Variants in FLVCR2 observed in about 807,000 individuals in gnomAD.
The protein encoded by FLVCR2 is FLVCR choline and putative heme transporter 2, also known as choline/ethanolamine transporter FLVCR2.
In FLVCR2, 38 loss-of-function variants were observed where a neutral mutation model predicts 48.9. That is an observed-to-expected ratio of 0.78 (90% confidence interval 0.60 to 1.02). The LOEUF (loss-of-function observed/expected upper bound fraction) is 1.02, where lower values mean the gene tolerates loss of function less well. FLVCR2 is among the 50% of genes least tolerant of loss of function. FLVCR2 has a pLI of 0.00. For synonymous variants in FLVCR2, 255 were observed against 257.0 expected, an observed-to-expected ratio of 0.99 and a Z score of 0.07; for missense variants, 664 against 663.3, an observed-to-expected ratio of 1.00 and a Z score of -0.01.
chr14:75,583,645 G>A (rs1200740168), intron 1 of FLVCR2, among the ~76,000 whole-genome samples: 1 of 152,074 alleles, frequency 6.6e-6, no homozygotes, highest in African/African-American at 2.4e-5. Context: ...AAAATGCCTC[G>A]GACCTAATAA....
At chr14:75,630,713 G>A (rs990990091) in intron 3 of FLVCR2, among the ~76,000 whole-genome samples, 2 of 152,168 alleles carry the variant, frequency 1.3e-5, no homozygotes, top group Admixed American at 1.3e-4. Flanking sequence ...GAAAAAAATT[G>A]TTTTTGACAA....
At chr14:75,597,289 A>AT (rs1308226699) in intron 1 of FLVCR2, among the ~76,000 whole-genome samples, 1 of 140,732 alleles carries the variant, frequency 7.1e-6, no homozygotes, top group Non-Finnish European at 1.5e-5. Context: ...CAAAAAAAAA[A>AT]AAAAGAAGAA....
intron 3 of FLVCR2, among the ~76,000 whole-genome samples, chr14:75,628,147 C>T (rs1341771641): frequency 1.3e-5 from 2 of 152,084 alleles, no homozygotes; most frequent in Non-Finnish European, 2.9e-5. Flanking sequence ...CAGAGTCTTA[C>T]TCTGTCGCCC....
intron 2 of FLVCR2, among the ~76,000 whole-genome samples, 178 bp from the exon 3 acceptor site, chr14:75,624,434 C>T (rs1436313867): frequency 3.3e-5 from 5 of 152,028 alleles, no homozygotes; most frequent in African/African-American, 7.2e-5. Flanking sequence ...CACTCAGCCT[C>T]AAACAATGAG....
At position 75,579,616 on chromosome 14, in the gene FLVCR2, G is replaced by A; in HGVS notation, c.644G>A (p.Cys215Tyr). Reference protein sequence around the residue: ...WFGANEVSTACSVAVFGNQLG... With the variant: ...WFGANEVSTAYSVAVFGNQLG... ...GGGGCTAATGAGGTTTCAACAGCCT[G>A]CTCCGTGGCTGTCTTTGGCAATCAG... Residue 215 changes from cysteine to tyrosine, a missense_variant, in exon 1 of 10, where the codon TGC (cysteine) becomes TAC (tyrosine). Cys to Tyr is a radical substitution (Grantham distance 194). Transcript: ENST00000238667. The A allele has an allele frequency of 2.5e-6, 4 of 1,614,106 alleles. No homozygotes were observed. Among genetic ancestry groups the A allele is most frequent in the Non-Finnish European group, 1.7e-6 (2 of 1,180,030 alleles).
At chr14:75,596,993 G>A (rs1290401336) in intron 1 of FLVCR2, among the ~76,000 whole-genome samples, 2 of 152,082 alleles carry the variant, frequency 1.3e-5, no homozygotes, top group African/African-American at 4.8e-5. Flanking sequence ...TAAATTGCCA[G>A]TTTGAACATC....
chr14:75,633,583 A>T (rs752168189), intron 3 of FLVCR2, 46 bp from the exon 4 acceptor site: 1 of 1,503,192 alleles, frequency 6.7e-7, no homozygotes, highest in Non-Finnish European at 9.3e-7. Context: ...CAATGGCCCC[A>T]GAAGAAAGCT....
intron 1 of FLVCR2, chr14:75,606,021 C>CT (rs1010787741): frequency 4.9e-6 from 1 of 202,628 alleles, no homozygotes; most frequent in African/African-American, 2.3e-5. Flanking sequence ...CATTCGTGGG[C>CT]TTTTGTTTCG....
rs1888777065 is a variant in FLVCR2, at chr14:75,587,391, A to G, written c.669+7750A>G. On this transcript the variant is annotated intron_variant, in intron 1 of 9. Transcript: ENST00000238667. ...CCCCGTCTCCAGGGTTATTGGTGAT[A>G]GTTTCCAGCAGTTTTGTTTAGAGTT... is the stretch of plus-strand genomic sequence containing the variant. 2.0e-5 allele frequency among the ~76,000 whole-genome samples: 3 copies of G among 152,060 alleles called. No individual in the cohort carries two copies. The South Asian group carries it at 6.2e-4, about 32-fold the overall frequency.
chr14:75,621,957 G>A (rs755406042), intron 1 of FLVCR2, 122 bp from the exon 2 acceptor site: 8 of 1,030,578 alleles, frequency 7.8e-6, no homozygotes, highest in Non-Finnish European at 1.2e-5. Flanking sequence ...AATAATCCCT[G>A]CATGGGTGTT....
chr14:75,618,169 T>C (rs1348333605), intron 1 of FLVCR2, among the ~76,000 whole-genome samples: 1 of 152,210 alleles, frequency 6.6e-6, no homozygotes, highest in East Asian at 1.9e-4. Flanking sequence ...GATGGCTGGC[T>C]ATCATGGAAA....
chr14:75,640,741 G>A, intron 6 of FLVCR2: 1 of 601,360 alleles, frequency 1.7e-6, no homozygotes, highest in South Asian at 1.9e-5. Context: ...GGCCTGCTGA[G>A]CACAAGGTCT....
intron 5 of FLVCR2, among the ~76,000 whole-genome samples, chr14:75,636,755 C>G (rs1015678862): frequency 6.6e-6 from 1 of 152,198 alleles, no homozygotes; most frequent in African/African-American, 2.4e-5. Flanking sequence ...AGCCAGTCCT[C>G]GTCACTCTAA....
At chr14:75,620,085 C>A (rs925992943) in intron 1 of FLVCR2, among the ~76,000 whole-genome samples, 7 of 152,186 alleles carry the variant, frequency 4.6e-5, no homozygotes, top group African/African-American at 1.7e-4. Context: ...AACTTCCAGA[C>A]CTCCAACTCC....
chr14:75,580,458 T>C (rs1391236906), intron 1 of FLVCR2, among the ~76,000 whole-genome samples: 6 of 152,242 alleles, frequency 3.9e-5, no homozygotes, highest in Admixed American at 3.9e-4. Context: ...TCCAAGCACG[T>C]ACAGTCCTGG....
chr14:75,589,681 C>T (rs1017931515), intron 1 of FLVCR2, among the ~76,000 whole-genome samples: 2 of 152,350 alleles, frequency 1.3e-5, no homozygotes, highest in South Asian at 4.1e-4. Context: ...CTGCCTGAGC[C>T]CCCAAGCTGT....
chr14:75,622,463 C>A (rs1156541519), intron 2 of FLVCR2, among the ~76,000 whole-genome samples: 1 of 152,160 alleles, frequency 6.6e-6, no homozygotes, highest in East Asian at 1.9e-4. Flanking sequence ...ACCAGTTCCC[C>A]AGTCCTACCT....
In FLVCR2 at chr14:75,634,926, C is replaced by T. The variant is rs1890128199; in HGVS notation, c.1037C>T (p.Ala346Val). ...IWHYPGEEVNAGRIGLTIVIA... is the reference protein window; with the variant it reads ...IWHYPGEEVNVGRIGLTIVIA... Reference sequence around the variant, plus strand: ...TTTCCCCAGGGGGAAGAAGTGAATGCTGGAAGAATTGGCCTGACGATCGTC... The same window carrying T: ...TTTCCCCAGGGGGAAGAAGTGAATGTTGGAAGAATTGGCCTGACGATCGTC... The change falls in exon 5 of 10, where the codon GCT becomes GTT. Residue 346 changes from alanine to valine, a missense_variant. Physicochemically the swap from Ala to Val is moderately conservative, Grantham distance 64. Transcript: ENST00000238667. 1 of 1,613,514 alleles carries T rather than the reference C, an allele frequency of 6.2e-7. No homozygotes were observed. The highest frequency in any genetic ancestry group is 2.2e-5 in the East Asian group (1 of 44,878).
rs199824003 is a variant in FLVCR2, at chr14:75,624,708, G to A, written c.908G>A (p.Arg303Gln). ...PDASYLGSIA[R>Q]LFKNLNFVLL... ...GCCTCATACTTAGGTTCCATCGCCC[G>A]GCTCTTCAAAAATCTCAACTTTGTG... The change falls in exon 3 of 10, where the codon CGG becomes CAG. Residue 303 changes from arginine to glutamine, a missense_variant. Coordinates refer to ENST00000238667, the MANE Select transcript of FLVCR2 (RefSeq NM_017791.3). The A allele has an allele frequency of 8.9e-5, 144 of 1,613,882 alleles. No individual in the cohort carries two copies. The highest frequency in any genetic ancestry group is 8.2e-4 in the South Asian group (75 of 91,080).
Sources: gnomAD v4.1 joint callset for allele counts (sites outside exome capture counted in the v4.1 genomes callset) on GRCh38, gnomAD v4.1.1 for gene constraint, MANE v1.5 for transcripts, NCBI Gene and HGNC (gene_info 2026-07-23, HGNC 2026-07-21) for gene names.